Variants in ZC3H18 observed in about 807,000 individuals in gnomAD.
The protein encoded by ZC3H18 is zinc finger CCCH-type containing 18, also known as zinc finger CCCH domain-containing protein 18.
In ZC3H18, 8 loss-of-function variants were observed where a neutral mutation model predicts 106.1. The ratio of observed to expected loss-of-function variants is 0.08; its 90% CI spans 0.04 to 0.14. The LOEUF (loss-of-function observed/expected upper bound fraction) is 0.14, where lower values mean the gene tolerates loss of function less well. Among genes scored for constraint, ZC3H18 ranks in the 10% least tolerant of loss-of-function variants. The probability of loss-of-function intolerance (pLI) is 1.00; values close to 1 mark genes in which losing one functional copy is unlikely to be tolerated. For missense variants in ZC3H18, 1,318 were observed against 1,278.4 expected, an observed-to-expected ratio of 1.03 and a Z score of -0.47; for synonymous variants, 635 against 522.1, an observed-to-expected ratio of 1.22 and a Z score of -2.95.
chr16:88,574,029 A>G (rs1422980308), intron 1 of ZC3H18, among the ~76,000 whole-genome samples: 2 of 151,672 alleles, frequency 1.3e-5, no homozygotes, highest in African/African-American at 4.8e-5. Flanking sequence ...GCCCACCACC[A>G]TGCCCAGCTA....
chr16:88,624,264 C>T, intron 11 of ZC3H18: 1 of 733,964 alleles, frequency 1.4e-6, no homozygotes. Context: ...AGCAGCACTC[C>T]CTCGGGAACC....
intron 17 of ZC3H18, 99 bp from the exon 18 acceptor site, chr16:88,631,002 C>T (rs1443947831): frequency 1.4e-6 from 2 of 1,471,618 alleles, no homozygotes; most frequent in East Asian, 4.5e-5. Context: ...GTCCTGGTGG[C>T]CGCTGAGGAC....
chr16:88,603,435 A>C (rs1011676709), intron 6 of ZC3H18, among the ~76,000 whole-genome samples: 3 of 151,386 alleles, frequency 2.0e-5, no homozygotes, highest in Non-Finnish European at 4.4e-5. Flanking sequence ...AGGCTGGGCA[A>C]CACGGTGAAA....
At position 88,603,437 on chromosome 16, in the gene ZC3H18, A is replaced by G. The variant is rs189283020; in HGVS notation, c.1088+3489A>G. ...AGAGTTTGAGACCAGGCTGGGCAAC[A>G]CGGTGAAACCCCATCTCTACTAAAA... On this transcript the variant is annotated intron_variant, in intron 6 of 17. Transcript: ENST00000301011. Among the ~76,000 whole-genome samples, 271 of 151,438 alleles carry G rather than the reference A, an allele frequency of 1.8e-3. 4 individuals carry two copies. The highest frequency in any genetic ancestry group is 6.4e-3 in the African/African-American group (266 of 41,422).
In ZC3H18 at chr16:88,623,203, G is replaced by A. The variant is rs374362320; in HGVS notation, c.1668-16G>A. Reference sequence around the variant, plus strand: ...CCCTTCTCACTTCTCGCCACGCTCCGTCCCGCCCGCCCCAGGTCGTCTTCG... The same window carrying A: ...CCCTTCTCACTTCTCGCCACGCTCCATCCCGCCCGCCCCAGGTCGTCTTCG... On this transcript the variant is annotated splice_polypyrimidine_tract_variant and intron_variant, in intron 9 of 17. Transcript: ENST00000301011. 1.8e-4 allele frequency: 284 copies of A among 1,610,346 alleles called. 1 individual carries two copies. Among genetic ancestry groups the A allele is most frequent in the African/African-American group, 7.2e-4 (54 of 75,022 alleles).
intron 10 of ZC3H18, 64 bp from the exon 11 acceptor site, chr16:88,623,894 G>A: frequency 6.5e-7 from 1 of 1,538,518 alleles, no homozygotes; most frequent in Non-Finnish European, 8.8e-7. Context: ...TGGGTCCTCA[G>A]TGGGCTTGGG....
intron 3 of ZC3H18, among the ~76,000 whole-genome samples, chr16:88,591,947 T>C (rs1276366352): frequency 1.3e-5 from 2 of 152,204 alleles, no homozygotes; most frequent in African/African-American, 4.8e-5. Flanking sequence ...TCTGATGACC[T>C]GGTGGTTGTA....
chr16:88,591,495 C>G (rs1012488475), intron 3 of ZC3H18, among the ~76,000 whole-genome samples: 1 of 151,998 alleles, frequency 6.6e-6, no homozygotes, highest in Non-Finnish European at 1.5e-5. Flanking sequence ...TCGCTTGAAC[C>G]CAGTAGGTGG....
chr16:88,588,820 A>C (rs1228213575), intron 3 of ZC3H18, among the ~76,000 whole-genome samples: 2 of 152,012 alleles, frequency 1.3e-5, no homozygotes, highest in African/African-American at 4.8e-5. Flanking sequence ...TGGGAAGTTG[A>C]GGCTGCAGTT....
At chr16:88,593,030 A>C (rs993912359) in intron 3 of ZC3H18, among the ~76,000 whole-genome samples, 1 of 152,270 alleles carries the variant, frequency 6.6e-6, no homozygotes, top group East Asian at 1.9e-4. Context: ...AGTTACGCAC[A>C]GTAAGAGATT....
chr16:88,631,505 GACAGACAGAC>G lies in ZC3H18; in HGVS notation c.*215_*224del. 25 of 710,682 alleles carry G rather than the reference GACAGACAGAC, an allele frequency of 3.5e-5. 1 individual carries two copies. In the South Asian group the frequency reaches 3.8e-4, roughly 11 times the overall value. The allele number at this position is 710,682 out of a possible 1,614,324, so 44.0% of individuals were successfully genotyped here. On this transcript the variant is annotated 3_prime_UTR_variant, in exon 18 of 18. Transcript: ENST00000301011. ...CCTCCCCAGAGCAGAAGTCCCGCAG[GACAGACAGAC>G]ACAGACAGCGCTAGTGACCAGCACG...
Position 88,599,920 on chromosome 16 carries a change from C to T in ZC3H18, c.1060C>T (p.Arg354Trp), listed in dbSNP as rs545410130. ...ENEVFRDWNS[R>W]IPRDVRDTVL... Reference sequence around the variant, plus strand: ...TGAAGTTTTTCGAGATTGGAATTCTCGGATCCCGAGAGATGTCAGAGACAC... The same window carrying T: ...TGAAGTTTTTCGAGATTGGAATTCTTGGATCCCGAGAGATGTCAGAGACAC... The change falls in exon 6 of 18, where the codon CGG becomes TGG. Residue 354 changes from arginine (R) to tryptophan (W), a missense_variant. By Grantham distance (101) the Arg-to-Trp change is moderately radical. Around this residue, in one of 6 missense-constraint regions of ZC3H18, gnomAD observed 848 missense variants for 821.7 expected, o/e 1.03. Coordinates refer to ENST00000301011, the MANE Select transcript of ZC3H18 (RefSeq NM_144604.4). 69 of 1,614,072 alleles carry T rather than the reference C, an allele frequency of 4.3e-5. No homozygotes were observed. Among genetic ancestry groups the T allele is most frequent in the Non-Finnish European group, 5.5e-5 (65 of 1,180,024 alleles).
intron 6 of ZC3H18, among the ~76,000 whole-genome samples, chr16:88,600,724 G>C (rs1187544545): frequency 6.6e-6 from 1 of 152,172 alleles, no homozygotes; most frequent in South Asian, 2.1e-4. Flanking sequence ...CTTTATGCCT[G>C]GTCTTTAAAA....
At chr16:88,600,918 C>T (rs147124831) in intron 6 of ZC3H18, among the ~76,000 whole-genome samples, 3 of 152,214 alleles carry the variant, frequency 2.0e-5, no homozygotes, top group Non-Finnish European at 4.4e-5. Context: ...GCTTTAGCAG[C>T]CCTGTACATT....
intron 8 of ZC3H18, among the ~76,000 whole-genome samples, chr16:88,619,370 A>G (rs1243286037): frequency 6.6e-6 from 1 of 152,050 alleles, no homozygotes; most frequent in Non-Finnish European, 1.5e-5. Context: ...GCTGGATAGG[A>G]CCTCCTTGCT....
At chr16:88,602,968 C>CTT (rs1029970086) in intron 6 of ZC3H18, among the ~76,000 whole-genome samples, 15 of 145,152 alleles carry the variant, frequency 1.0e-4, no homozygotes, top group African/African-American at 3.0e-4. Flanking sequence ...GTTGTTCCTT[C>CTT]TTTTTTTTTT....
intron 3 of ZC3H18, among the ~76,000 whole-genome samples, chr16:88,587,063 C>T (rs1457825199): frequency 1.3e-5 from 2 of 152,206 alleles, no homozygotes; most frequent in Non-Finnish European, 2.9e-5. Flanking sequence ...ATTTTCCCCA[C>T]CTCTGTAGAG....
chr16:88,606,719 A>C (rs1050295249), intron 6 of ZC3H18, among the ~76,000 whole-genome samples: 1 of 152,154 alleles, frequency 6.6e-6, no homozygotes, highest in African/African-American at 2.4e-5. Flanking sequence ...GGTCTCTACA[A>C]ATGTTTCCTG....
At chr16:88,628,290 T>C (rs926570162) in intron 15 of ZC3H18, among the ~76,000 whole-genome samples, 171 bp downstream of exon 15, 1 of 152,164 alleles carries the variant, frequency 6.6e-6, no homozygotes, top group South Asian at 2.1e-4. Flanking sequence ...CGGCCTGGGC[T>C]GGGAAGTGTG....
Sources: gnomAD v4.1 joint callset for allele counts (sites outside exome capture counted in the v4.1 genomes callset) on GRCh38, gnomAD v4.1.1 for gene constraint, gnomAD v4.1.1 regional missense constraint, MANE v1.5 for transcripts, NCBI Gene and HGNC (gene_info 2026-07-23, HGNC 2026-07-21) for gene names.